CRTAC1: variants seen among roughly 807,000 people sequenced by gnomAD.
CRTAC1 encodes the protein cartilage acidic protein 1.
A neutral mutation model predicts 67.8 loss-of-function variants in CRTAC1; 37 were observed. The observed-to-expected ratio is 0.55, with a 90% CI of 0.42 to 0.72. The LOEUF (loss-of-function observed/expected upper bound fraction) is 0.72, where lower values mean the gene tolerates loss of function less well. Among genes scored for constraint, CRTAC1 ranks in the 30% least tolerant of loss-of-function variants. The pLI is 0.00. For missense variants in CRTAC1, 780 were observed against 931.6 expected (o/e 0.84, Z 2.12); for synonymous variants, 348 against 371.0 (o/e 0.94, Z 0.71).
intron 2 of CRTAC1, among the ~76,000 whole-genome samples, chr10:98,001,712 G>T (rs1195569437): frequency 6.6e-6 from 1 of 152,176 alleles, no homozygotes; most frequent in Non-Finnish European, 1.5e-5. Flanking sequence ...CTAGGGGAGA[G>T]CATGGTACAA....
chr10:98,004,056 G>A (rs1037638825), intron 2 of CRTAC1, among the ~76,000 whole-genome samples: 3 of 152,290 alleles, frequency 2.0e-5, no homozygotes, highest in Non-Finnish European at 4.4e-5. Flanking sequence ...CAATTAATAC[G>A]TATTAGCATT....
At chr10:97,996,601 T>C (rs1842575197) in intron 2 of CRTAC1, among the ~76,000 whole-genome samples, 1 of 152,164 alleles carries the variant, frequency 6.6e-6, no homozygotes, top group South Asian at 2.1e-4. Context: ...CTGGAGAAGA[T>C]GTGGAGAAAT....
chr10:98,024,383 A>G (rs991875027), intron 1 of CRTAC1, among the ~76,000 whole-genome samples: 1 of 152,214 alleles, frequency 6.6e-6, no homozygotes, highest in Non-Finnish European at 1.5e-5. Context: ...ACAAGGTTTC[A>G]CTGATTAATG....
At chr10:97,892,383 T>C (rs1009416368) in intron 11 of CRTAC1, among the ~76,000 whole-genome samples, 12 of 152,290 alleles carry the variant, frequency 7.9e-5, no homozygotes, top group African/African-American at 2.9e-4. Context: ...GGGGAGTTGA[T>C]ATCCAACCAG....
chr10:97,956,078 C>T (rs570955611), intron 2 of CRTAC1, among the ~76,000 whole-genome samples: 17 of 152,306 alleles, frequency 1.1e-4, no homozygotes, highest in African/African-American at 3.8e-4. Context: ...TAAAGGCCTA[C>T]GATTACAGTT....
Position 97,939,033 on chromosome 10 carries a change from C to A in CRTAC1, c.225-2667G>T, listed in dbSNP as rs556462112. 8.0e-4 allele frequency among the ~76,000 whole-genome samples: 122 copies of A among 152,328 alleles called. 1 individual carries two copies. In the Middle Eastern group the frequency reaches 0.014, roughly 17 times the overall value. ...CACTAACCTTATGAGACGATCAGAGCAGGTGCTCCCTGCCCCAGGCTGTGG... is the reference window on the plus strand; with the variant it reads ...CACTAACCTTATGAGACGATCAGAGAAGGTGCTCCCTGCCCCAGGCTGTGG... On this transcript the variant is annotated intron_variant, in intron 2 of 14. Coordinates refer to ENST00000370597, the MANE Select transcript of CRTAC1 (RefSeq NM_018058.7).
chr10:97,957,001 A>G (rs1423744750), intron 2 of CRTAC1, among the ~76,000 whole-genome samples: 3 of 149,148 alleles, frequency 2.0e-5, no homozygotes, highest in Admixed American at 6.7e-5. Flanking sequence ...TTTTTGGCAG[A>G]GATATGGTCT....
At chr10:97,917,287 G>A (rs766337640) in intron 5 of CRTAC1, among the ~76,000 whole-genome samples, 3 of 152,158 alleles carry the variant, frequency 2.0e-5, no homozygotes, top group Non-Finnish European at 2.9e-5. Context: ...CCCAAAACTC[G>A]TACCTGCCAG....
intron 1 of CRTAC1, among the ~76,000 whole-genome samples, chr10:98,015,629 A>T (rs970767795): frequency 2.0e-5 from 3 of 152,188 alleles, no homozygotes; most frequent in African/African-American, 7.2e-5. Flanking sequence ...GTTAATATAT[A>T]ATCATGGGAT....
chr10:97,977,645 C>T (rs1402430479), intron 2 of CRTAC1, among the ~76,000 whole-genome samples: 2 of 152,128 alleles, frequency 1.3e-5, no homozygotes, highest in Non-Finnish European at 2.9e-5. Context: ...GACGTCAGCT[C>T]TGAGACCCAG....
intron 4 of CRTAC1, among the ~76,000 whole-genome samples, chr10:97,921,817 G>T (rs1242396043): frequency 5.3e-5 from 8 of 152,110 alleles, no homozygotes; most frequent in Non-Finnish European, 8.8e-5. Context: ...AGTTCTCTGA[G>T]GCCTGGGAGA....
intron 1 of CRTAC1, among the ~76,000 whole-genome samples, chr10:98,014,900 A>G (rs1261022018): frequency 6.6e-6 from 1 of 152,250 alleles, no homozygotes; most frequent in Non-Finnish European, 1.5e-5. Flanking sequence ...AATTCCTCAA[A>G]AAATTCCAAT....
chr10:97,891,684 C>T (rs1036861726), intron 11 of CRTAC1, among the ~76,000 whole-genome samples: 1 of 152,238 alleles, frequency 6.6e-6, no homozygotes, highest in Non-Finnish European at 1.5e-5. Flanking sequence ...TCTGTCGCCC[C>T]CTGTTCTCGC....
chr10:97,904,230 G>A (rs774644527), intron 7 of CRTAC1, among the ~76,000 whole-genome samples: 39 of 151,930 alleles, frequency 2.6e-4, no homozygotes, highest in Non-Finnish European at 4.9e-4. Flanking sequence ...TCCTACAGCA[G>A]CCCAGCTGTA....
At chr10:97,986,989 G>A (rs997377194) in intron 2 of CRTAC1, among the ~76,000 whole-genome samples, 2 of 152,220 alleles carry the variant, frequency 1.3e-5, no homozygotes, top group Non-Finnish European at 2.9e-5. Flanking sequence ...TAATGCCAGA[G>A]TGTCCTGAGG....
intron 8 of CRTAC1, 79 bp from the exon 9 acceptor site, chr10:97,897,070 C>G (rs1044340606): frequency 9.6e-7 from 1 of 1,044,362 alleles, no homozygotes; most frequent in African/African-American, 1.6e-5. Context: ...TCCATTCTGT[C>G]CCCTGAGCAT....
At chr10:98,009,451 T>A (rs1842864676) in intron 2 of CRTAC1, among the ~76,000 whole-genome samples, 1 of 152,196 alleles carries the variant, frequency 6.6e-6, no homozygotes, top group African/African-American at 2.4e-5. Context: ...AAAACTGTAC[T>A]TTACAAACAA....
intron 2 of CRTAC1, among the ~76,000 whole-genome samples, chr10:97,994,581 G>A (rs1298131882): frequency 1.3e-5 from 2 of 152,150 alleles, no homozygotes; most frequent in Non-Finnish European, 2.9e-5. Flanking sequence ...TTCTCTCCTC[G>A]TCTTCTCTCT....
chr10:97,891,291 GA>G (rs1015573483), intron 11 of CRTAC1, among the ~76,000 whole-genome samples: 19 of 150,932 alleles, frequency 1.3e-4, no homozygotes, highest in East Asian at 9.7e-4. Context: ...TTTACAATCA[GA>G]AAAAAAAAAT....
Sources: gnomAD v4.1 joint callset for allele counts (sites outside exome capture counted in the v4.1 genomes callset) on GRCh38, gnomAD v4.1.1 for gene constraint, MANE v1.5 for transcripts, NCBI Gene and HGNC (gene_info 2026-07-23, HGNC 2026-07-21) for gene names.